The following ARK2C variants were observed in gnomAD, a reference collection of about 807,000 sequenced individuals.
ARK2C encodes the protein E3 ubiquitin-protein ligase ARK2C.
chr18:46,366,375 G>T, the ARK2C span, among the ~76,000 whole-genome samples: 1 of 151,444 alleles, frequency 6.6e-6, no homozygotes, highest in Non-Finnish European at 1.5e-5. Flanking sequence ...AGATTAGGGA[G>T]AGACAGCTGG....
the ARK2C span, among the ~76,000 whole-genome samples, chr18:46,370,325 T>C: frequency 1.3e-5 from 2 of 152,336 alleles, no homozygotes; most frequent in African/African-American, 4.8e-5. Context: ...ATAATCATCT[T>C]GTCCAAGATA....
the ARK2C span, among the ~76,000 whole-genome samples, chr18:46,425,066 C>T: frequency 6.6e-6 from 1 of 152,224 alleles, no homozygotes. Context: ...CGGGCCTTCC[C>T]CTCCTTTCTG....
At chr18:46,431,106 A>G in the ARK2C span, among the ~76,000 whole-genome samples, 1 of 151,808 alleles carries the variant, frequency 6.6e-6, no homozygotes, top group East Asian at 1.9e-4. Context: ...ATGTGTTCTC[A>G]TTGTTCAACT....
the ARK2C span, chr18:46,336,646 G>A: frequency 1.0e-6 from 1 of 985,428 alleles, no homozygotes; most frequent in South Asian, 4.7e-5. Flanking sequence ...TAGTAGTGTA[G>A]GATGTAGGCC....
chr18:46,426,563 C>A, the ARK2C span, among the ~76,000 whole-genome samples: 5 of 152,352 alleles, frequency 3.3e-5, no homozygotes, highest in East Asian at 9.6e-4. Flanking sequence ...ACCCACCTCA[C>A]TCAGGCCCCC....
chr18:46,443,223 CT>C, the ARK2C span, among the ~76,000 whole-genome samples: 14 of 151,940 alleles, frequency 9.2e-5, no homozygotes, highest in African/African-American at 3.4e-4. Flanking sequence ...TGTTGTTTTT[CT>C]TTTAAAATTT....
At chr18:46,435,253 C>T in the ARK2C span, 5 of 1,589,346 alleles carry the variant, frequency 3.1e-6, no homozygotes, top group South Asian at 1.1e-5. Flanking sequence ...CCTGGGTAGC[C>T]CCTGACACGA....
chr18:46,405,988 C>T, the ARK2C span, among the ~76,000 whole-genome samples: 1 of 152,078 alleles, frequency 6.6e-6, no homozygotes, highest in African/African-American at 2.4e-5. Flanking sequence ...ACATGCCACC[C>T]ACTCCCCTCA....
At chr18:46,368,806 A>G in the ARK2C span, among the ~76,000 whole-genome samples, 1 of 152,226 alleles carries the variant, frequency 6.6e-6, no homozygotes, top group Non-Finnish European at 1.5e-5. Context: ...ATCATTGAAC[A>G]TCTTTGAACC....
At chr18:46,443,077 T>C in the ARK2C span, among the ~76,000 whole-genome samples, 4 of 152,238 alleles carry the variant, frequency 2.6e-5, no homozygotes, top group African/African-American at 9.6e-5. Flanking sequence ...TGTTTTGCAG[T>C]TGACAATCTC....
At chr18:46,413,441 C>G in the ARK2C span, among the ~76,000 whole-genome samples, 8 of 152,228 alleles carry the variant, frequency 5.3e-5, no homozygotes, top group South Asian at 1.0e-3. Context: ...TGAGCGCTCC[C>G]TGGGTTTGGA....
chr18:46,432,876 C>T, the ARK2C span, among the ~76,000 whole-genome samples: 14 of 152,264 alleles, frequency 9.2e-5, no homozygotes, highest in African/African-American at 2.6e-4. Flanking sequence ...ATCCGGGAGG[C>T]GGAGCTTGCA....
chr18:46,363,961 TGA>T, the ARK2C span, among the ~76,000 whole-genome samples: 46 of 147,760 alleles, frequency 3.1e-4, no homozygotes, highest in African/African-American at 1.0e-3. Flanking sequence ...TTTTTTTTTT[TGA>T]GAGAGAGAGA....
the ARK2C span, among the ~76,000 whole-genome samples, chr18:46,428,620 A>G: frequency 1.3e-5 from 2 of 152,194 alleles, no homozygotes; most frequent in East Asian, 3.8e-4. Context: ...GGGCACTTGG[A>G]ATGAGGCTAG....
chr18:46,355,331 C>T, the ARK2C span, among the ~76,000 whole-genome samples: 2 of 152,062 alleles, frequency 1.3e-5, no homozygotes, highest in South Asian at 4.2e-4. Context: ...GCAGTGGTCC[C>T]GAGGTCCCTC....
At chr18:46,399,297 C>T in the ARK2C span, among the ~76,000 whole-genome samples, 1 of 152,186 alleles carries the variant, frequency 6.6e-6, no homozygotes, top group African/African-American at 2.4e-5. Context: ...AAGGACAAAG[C>T]TTGGACGTGG....
chr18:46,354,439 C>T, the ARK2C span, among the ~76,000 whole-genome samples: 11 of 152,364 alleles, frequency 7.2e-5, no homozygotes, highest in African/African-American at 2.6e-4. Flanking sequence ...GATTGGAGAA[C>T]ACATGATCAG....
At chr18:46,399,520 T>C in the ARK2C span, among the ~76,000 whole-genome samples, 43 of 152,098 alleles carry the variant, frequency 2.8e-4, no homozygotes, top group African/African-American at 9.4e-4. Flanking sequence ...ACTGATGTAG[T>C]GGAGAACAGA....
the ARK2C span, among the ~76,000 whole-genome samples, chr18:46,387,640 A>G: frequency 6.6e-6 from 1 of 152,260 alleles, no homozygotes; most frequent in Non-Finnish European, 1.5e-5. Flanking sequence ...AGCTGGGCAT[A>G]CAGACCCGTG....
Sources: allele counts gnomAD v4.1 joint callset (sites outside exome capture counted in the v4.1 genomes callset), GRCh38; gene constraint gnomAD v4.1.1; transcripts MANE v1.5; gene names NCBI Gene and HGNC (gene_info 2026-07-23, HGNC 2026-07-21).